WHRN: variants seen among roughly 807,000 people sequenced by gnomAD.
WHRN encodes whirlin.
WHRN carries 41 observed loss-of-function variants against 68.3 expected under a neutral mutation model. That is an observed-to-expected ratio of 0.60 (90% CI 0.47 to 0.78). The LOEUF is 0.78. Among genes scored for constraint, WHRN ranks in the 30% least tolerant of loss-of-function variants. The probability of loss-of-function intolerance (pLI) is 0.00; values close to 1 mark genes in which losing one functional copy is unlikely to be tolerated. For missense variants in WHRN, 1,243 were observed against 1,244.7 expected (o/e 1.00, Z 0.02); for synonymous variants, 560 against 561.3 (o/e 1.00, Z 0.03).
chr9:114,473,146 G>A (rs114698080), intron 2 of WHRN, among the ~76,000 whole-genome samples: 1,711 of 152,352 alleles, frequency 0.011, 37 homozygotes, highest in African/African-American at 0.039. Flanking sequence ...TGCAGAGTAA[G>A]GGGCCGTGGG....
At chr9:114,496,472 T>A (rs1363856114) in intron 1 of WHRN, among the ~76,000 whole-genome samples, 2 of 152,222 alleles carry the variant, frequency 1.3e-5, no homozygotes, top group Non-Finnish European at 2.9e-5. Flanking sequence ...ACAGCTACAG[T>A]GGATCACATG....
At chr9:114,419,600 GTCT>G (rs999881019) in intron 7 of WHRN, among the ~76,000 whole-genome samples, 5 of 152,234 alleles carry the variant, frequency 3.3e-5, no homozygotes, top group Non-Finnish European at 5.9e-5. Context: ...GATCAGGGAA[GTCT>G]TCTTGGAAGA....
chr9:114,442,051 ACCATCAGATATC>A (rs1345555281), intron 3 of WHRN, among the ~76,000 whole-genome samples: 1 of 152,244 alleles, frequency 6.6e-6, no homozygotes, highest in Admixed American at 6.5e-5. Flanking sequence ...AATCATAGCA[ACCATCAGATATC>A]CCAAATAGAG....
intron 2 of WHRN, among the ~76,000 whole-genome samples, chr9:114,473,043 G>A (rs143001113): frequency 1.1e-4 from 17 of 152,330 alleles, no homozygotes; most frequent in East Asian, 3.9e-4. Flanking sequence ...AGCCTGAGCC[G>A]AAGGGCAGGT....
chr9:114,471,093 T>C (rs947014980), intron 2 of WHRN, among the ~76,000 whole-genome samples: 1 of 152,176 alleles, frequency 6.6e-6, no homozygotes, highest in African/African-American at 2.4e-5. Context: ...CCTCTATCAC[T>C]TGCTGAAAAT....
At chr9:114,479,928 T>C (rs903095388) in intron 1 of WHRN, among the ~76,000 whole-genome samples, 1 of 152,164 alleles carries the variant, frequency 6.6e-6, no homozygotes, top group African/African-American at 2.4e-5. Flanking sequence ...CTGGGCGTGG[T>C]GGTGGGCACC....
chr9:114,480,252 G>A (rs1055243331), intron 1 of WHRN, among the ~76,000 whole-genome samples: 25 of 152,038 alleles, frequency 1.6e-4, no homozygotes, highest in Non-Finnish European at 2.8e-4. Flanking sequence ...ACCACAAGAC[G>A]CTTGCAGCTG....
chr9:114,429,206 C>T (rs1371461883), intron 3 of WHRN, among the ~76,000 whole-genome samples: 1 of 152,240 alleles, frequency 6.6e-6, no homozygotes, highest in Admixed American at 6.5e-5. Context: ...GCTGGGATTA[C>T]AGGCGTGAGC....
chr9:114,416,820 T>C (rs1835851008), intron 7 of WHRN, among the ~76,000 whole-genome samples: 2 of 152,202 alleles, frequency 1.3e-5, no homozygotes, highest in African/African-American at 4.8e-5. Context: ...TCTCACTGAA[T>C]CTTCAGAACA....
At chr9:114,420,172 C>T (rs564943094) in intron 7 of WHRN, among the ~76,000 whole-genome samples, 6 of 152,222 alleles carry the variant, frequency 3.9e-5, no homozygotes, top group Admixed American at 2.6e-4. Flanking sequence ...AATGCACACG[C>T]GCACACACAC....
intron 2 of WHRN, chr9:114,478,212 C>T (rs996956226): frequency 6.4e-6 from 4 of 627,584 alleles, no homozygotes; most frequent in Non-Finnish European, 1.2e-5. Context: ...TGCTTGAACC[C>T]TGGAGGCAGA....
intron 2 of WHRN, among the ~76,000 whole-genome samples, chr9:114,475,335 T>C (rs929323631): frequency 2.0e-5 from 3 of 152,088 alleles, no homozygotes; most frequent in African/African-American, 7.2e-5. Flanking sequence ...AGCCATACAG[T>C]GAGCACTCTG....
At chr9:114,501,174 T>C (rs1287978758) in intron 1 of WHRN, among the ~76,000 whole-genome samples, 4 of 152,234 alleles carry the variant, frequency 2.6e-5, no homozygotes, top group Non-Finnish European at 4.4e-5. Flanking sequence ...GTGGACTCTC[T>C]GGCCAATTTA....
Position 114,504,350 on chromosome 9 carries a change from C to A in WHRN, c.452G>T (p.Gly151Val). 1 of 1,608,730 alleles carries A rather than the reference C, an allele frequency of 6.2e-7. No homozygotes were observed. Among genetic ancestry groups the A allele is most frequent in the Non-Finnish European group, 8.5e-7 (1 of 1,179,984 alleles). The change falls in exon 1 of 12, where the codon GGC becomes GTC. Residue 151 changes from glycine to valine, a missense_variant. Coordinates refer to ENST00000362057, the MANE Select transcript of WHRN (RefSeq NM_015404.4). ...GCCCCCACGGATGCTGAAGCCCAAG[C>A]CCTCGTGGGCCTTGGCACGCCGCAA... ...VSLRRAKAHE[G>V]LGFSIRGGSE...
In WHRN at chr9:114,479,191, T is replaced by G. The variant is rs191097569; in HGVS notation, c.619-420A>C. 1.2e-3 allele frequency among the ~76,000 whole-genome samples: 179 copies of G among 152,318 alleles called. 1 individual carries two copies. The highest frequency in any genetic ancestry group is 4.2e-3 in the African/African-American group (175 of 41,552). ...AGTAATGGTTTATGCTCAGCCTGCTTTCCTCCTGGGAGTCTGGAAGGTGGG... is the reference window on the plus strand; with the variant it reads ...AGTAATGGTTTATGCTCAGCCTGCTGTCCTCCTGGGAGTCTGGAAGGTGGG... On this transcript the variant is annotated intron_variant, in intron 1 of 11. Transcript: ENST00000362057.
At chr9:114,450,836 C>CAA (rs796198475) in intron 3 of WHRN, among the ~76,000 whole-genome samples, 8,819 of 149,474 alleles carry the variant, frequency 0.059, 644 homozygotes, top group African/African-American at 0.18. Flanking sequence ...TCCCCCCCCG[C>CAA]AAAAAAATAC....
chr9:114,453,750 T>C (rs1205992723), intron 3 of WHRN, among the ~76,000 whole-genome samples: 1 of 151,544 alleles, frequency 6.6e-6, no homozygotes, highest in Non-Finnish European at 1.5e-5. Flanking sequence ...ATGGAGTTTA[T>C]AGTTAAATCA....
rs1564217218 is a variant in WHRN at position 114,486,929 on chromosome 9, T to TA, written c.619-8159_619-8158insT. ...GTAGAGTGTGTGTGTGTGTGTAGAG[T>TA]GTGTGTGTGTGTTGTGTGTGTGTGT... On this transcript the variant is annotated intron_variant, in intron 1 of 11. Transcript: ENST00000362057. 7.9e-3 allele frequency among the ~76,000 whole-genome samples: 338 copies of TA among 42,870 alleles called. 17 individuals are homozygous for TA. The highest frequency in any genetic ancestry group is 0.016 in the African/African-American group (315 of 19,278). 28.1% of individuals were successfully genotyped at this position (42,870 alleles called of 152,430 possible). A position where few individuals can be genotyped will look rare whatever the true frequency, so the allele number is the denominator to read the frequency against.
chr9:114,470,100 A>C (rs2133023209), intron 2 of WHRN, among the ~76,000 whole-genome samples: 1 of 152,310 alleles, frequency 6.6e-6, no homozygotes, highest in East Asian at 1.9e-4. Context: ...CCCTTTTGCT[A>C]TATAAGGGTT....
Sources: allele counts gnomAD v4.1 joint callset (sites outside exome capture counted in the v4.1 genomes callset), GRCh38; gene constraint gnomAD v4.1.1; transcripts MANE v1.5; gene names NCBI Gene and HGNC (gene_info 2026-07-23, HGNC 2026-07-21).